Variants in PDZD7 observed in about 807,000 individuals in gnomAD.
PDZD7 encodes PDZ domain-containing protein 7.
In PDZD7, 72 loss-of-function variants were observed where a neutral mutation model predicts 84.7. The observed-to-expected ratio is 0.85, with a 90% CI of 0.70 to 1.03. PDZD7 has a LOEUF of 1.03. Among genes scored for constraint, PDZD7 ranks in the 50% least tolerant of loss-of-function variants. The pLI is 0.00. For missense variants in PDZD7, 1,490 were observed against 1,412.9 expected (o/e 1.05, Z -0.87); for synonymous variants, 594 against 580.7 (o/e 1.02, Z -0.33).
At chr10:101,024,776 A>G (rs1937606852) in intron 2 of PDZD7, among the ~76,000 whole-genome samples, 1 of 151,772 alleles carries the variant, frequency 6.6e-6, no homozygotes, top group Admixed American at 6.6e-5. Context: ...GTCTCAAAAA[A>G]AAAAAAAAAG....
At chr10:101,012,307 C>T (rs1196142715) in intron 11 of PDZD7, 49 bp from the exon 12 acceptor site, 3 of 1,441,612 alleles carry the variant, frequency 2.1e-6, no homozygotes, top group East Asian at 2.5e-5. Flanking sequence ...GCTTCCAGAG[C>T]TGAGTGAGGG....
chr10:101,008,959 C>G, intron 16 of PDZD7, 109 bp from the exon 17 acceptor site: 5 of 1,336,772 alleles, frequency 3.7e-6, no homozygotes, highest in Non-Finnish European at 4.9e-6. Flanking sequence ...CACTCCTCCC[C>G]CATCTGGGTG....
At chr10:101,029,937 A>T (rs1175063367) in intron 2 of PDZD7, 57 bp downstream of exon 2, 13 of 1,539,830 alleles carry the variant, frequency 8.4e-6, no homozygotes, top group Non-Finnish European at 1.1e-5. Flanking sequence ...CTGAGTTCCC[A>T]TTGTCCCCTA....
At chr10:101,017,850 A>T (rs1288960112) in intron 9 of PDZD7, 1 of 347,968 alleles carries the variant, frequency 2.9e-6, no homozygotes, top group Non-Finnish European at 4.9e-6. Context: ...AAAGAAAGAA[A>T]GAAAGAAAGA....
chr10:101,008,576 T>C lies in PDZD7; in HGVS notation c.2993A>G (p.Gln998Arg). Reference protein sequence around the residue: ...HWLPEPPTNPQTPPTDARLLQ... With the variant: ...HWLPEPPTNPRTPPTDARLLQ... ...GAGCCTGGCATCAGTGGGAGGAGTC[T>C]GGGGATTGGTGGGAGGTTCTGGGAG... is the stretch of plus-strand genomic sequence containing the variant. The change falls in exon 17 of 17, where the codon CAG becomes CGG. Residue 998 changes from glutamine (Q) to arginine (R), a missense_variant. Gln to Arg is a conservative substitution (Grantham distance 43). Transcript: ENST00000619208. The C allele has an allele frequency of 3.3e-6, 5 of 1,535,530 alleles. No homozygotes were observed. Among genetic ancestry groups the C allele is most frequent in the Middle Eastern group, 1.7e-4 (1 of 5,908 alleles).
At chr10:101,022,127 CCATCCCCA>C in intron 5 of PDZD7, 74 bp downstream of exon 5, 2 of 1,593,470 alleles carry the variant, frequency 1.3e-6, no homozygotes, top group South Asian at 1.1e-5. Context: ...CACTTGCTGA[CCATCCCCA>C]CATCCCAGCC....
intron 11 of PDZD7, among the ~76,000 whole-genome samples, chr10:101,014,630 G>T (rs962464252): frequency 2.6e-5 from 4 of 151,472 alleles, no homozygotes; most frequent in Admixed American, 2.0e-4. Context: ...ATAACAGGAT[G>T]CATAAATGAC....
In PDZD7 at chr10:101,026,138, AT is replaced by A. The variant is rs1272762075; in HGVS notation, c.227-2071del. Reference sequence around the variant, plus strand: ...TAAAGGTTGAACCTGTCGGGGAAGAATTTTTTTTTTTTTTGAGACGGAATCT... The same window carrying A: ...TAAAGGTTGAACCTGTCGGGGAAGAATTTTTTTTTTTTTGAGACGGAATCT... On this transcript the variant is annotated intron_variant, in intron 2 of 16. Coordinates refer to ENST00000619208, the MANE Select transcript of PDZD7 (RefSeq NM_001195263.2). 5.8e-3 allele frequency among the ~76,000 whole-genome samples: 837 copies of A among 144,720 alleles called. 5 individuals carry two copies. The highest frequency in any genetic ancestry group is 0.014 in the African/African-American group (548 of 39,662). 94.9% of individuals were successfully genotyped at this position (144,720 alleles called of 152,430 possible).
intron 2 of PDZD7, among the ~76,000 whole-genome samples, chr10:101,024,730 A>G (rs1178165018): frequency 6.7e-6 from 1 of 150,346 alleles, no homozygotes; most frequent in Non-Finnish European, 1.5e-5. Flanking sequence ...TGTTCACACC[A>G]CTGCACTCCA....
Position 101,020,656 on chromosome 10 carries a change from T to A in PDZD7, c.890A>T (p.Tyr297Phe), listed in dbSNP as rs1165016266. ...TIKETGRYPA[Y>F]KEMVSEYCWL... ...GCAGTACTCAGAAACCATCTCCTTG[T>A]AGGCAGGATACCGGCCGGTCTCCTG... The change falls in exon 7 of 17, where the codon TAC becomes TTC. Residue 297 changes from tyrosine to phenylalanine, a missense_variant. Transcript: ENST00000619208. 6.2e-7 allele frequency: 1 copy of A among 1,613,626 alleles called. No homozygotes were observed. Among genetic ancestry groups the A allele is most frequent in the Non-Finnish European group, 8.5e-7 (1 of 1,179,732 alleles).
intron 14 of PDZD7, chr10:101,011,324 A>T (rs1442612730): frequency 7.2e-6 from 3 of 418,084 alleles, no homozygotes; most frequent in African/African-American, 2.1e-5. Context: ...TACAGGCGTG[A>T]GCCACCGCGC....
At position 101,018,172 on chromosome 10, in the gene PDZD7, G is replaced by A. The variant is rs778296630; in HGVS notation, c.1449C>T (p.Asp483=). 1 of 1,614,198 alleles carries A rather than the reference G, an allele frequency of 6.2e-7. No homozygotes were observed. The highest frequency in any genetic ancestry group is 8.5e-7 in the Non-Finnish European group (1 of 1,180,022). The change falls in exon 9 of 17, where the codon GAC becomes GAT. Residue 483 remains aspartate (D), a synonymous_variant. Coordinates refer to ENST00000619208, the MANE Select transcript of PDZD7 (RefSeq NM_001195263.2). ...CCAGTGTCCAGGCCTCTCTGCGCCC[G>A]TCCCGCGCTAGCCTCCCCTGCCGCC... ...KGGRQGRLAR[D]GRREAWTLDS... is the part of the protein sequence containing the mutation.
intron 14 of PDZD7, chr10:101,011,401 GA>G (rs1445658060): frequency 2.5e-5 from 18 of 728,252 alleles, no homozygotes; most frequent in African/African-American, 2.2e-4. Flanking sequence ...ATGTGTCTAA[GA>G]AAAAATACGA....
At chr10:101,009,455 T>C in intron 15 of PDZD7, 105 bp from the exon 16 acceptor site, 1 of 836,266 alleles carries the variant, frequency 1.2e-6, no homozygotes, top group African/African-American at 1.7e-5. Context: ...CCCCAACTTC[T>C]CCCACATCCC....
chr10:101,025,181 A>T (rs1201266123), intron 2 of PDZD7, among the ~76,000 whole-genome samples: 1 of 152,210 alleles, frequency 6.6e-6, no homozygotes, highest in Non-Finnish European at 1.5e-5. Context: ...TTTCTAAAAC[A>T]TTCTGCTGTT....
chr10:101,029,131 CT>C (rs1937895306), intron 2 of PDZD7, among the ~76,000 whole-genome samples: 1 of 152,208 alleles, frequency 6.6e-6, no homozygotes, highest in Non-Finnish European at 1.5e-5. Context: ...GGCTCCGCAC[CT>C]GGCATTCTAG....
chr10:101,010,777 G>C lies in PDZD7; in HGVS notation c.2112C>G (p.Ala704=). 6.5e-7 allele frequency: 1 copy of C among 1,535,546 alleles called. No homozygotes were observed. Among genetic ancestry groups the C allele is most frequent in the Non-Finnish European group, 8.7e-7 (1 of 1,146,842 alleles). ...RLGALKVSPS[A]SAPRHPHKGI... ...CTTTATGGGGGTGGCGAGGGGCAGA[G>C]GCACTTGGGGAGACCTTGAGGGCCC... Residue 704 remains alanine (A), a synonymous_variant, in exon 15 of 17, where the codon GCC becomes GCG. Coordinates refer to ENST00000619208, the MANE Select transcript of PDZD7 (RefSeq NM_001195263.2).
intron 8 of PDZD7, 26 bp from the exon 9 acceptor site, chr10:101,018,322 G>T: frequency 1.9e-6 from 3 of 1,612,420 alleles, no homozygotes; most frequent in Non-Finnish European, 1.7e-6. Context: ...AGCAACGGGG[G>T]AGCTGGAGGG....
intron 2 of PDZD7, among the ~76,000 whole-genome samples, chr10:101,027,215 A>G (rs531329859): frequency 6.6e-6 from 1 of 152,154 alleles, no homozygotes; most frequent in South Asian, 2.1e-4. Flanking sequence ...CATGCCCTAT[A>G]AGGCCCTGCC....
Sources: allele counts gnomAD v4.1 joint callset (sites outside exome capture counted in the v4.1 genomes callset), GRCh38; gene constraint gnomAD v4.1.1; transcripts MANE v1.5; gene names NCBI Gene and HGNC (gene_info 2026-07-23, HGNC 2026-07-21).